The following EYS variants were observed in gnomAD, a reference collection of about 807,000 sequenced individuals.
EYS encodes the protein protein eyes shut homolog.
EYS carries 250 observed loss-of-function variants against 282.1 expected under a neutral mutation model. The observed-to-expected ratio is 0.89, with a 90% CI of 0.80 to 0.98. EYS has a LOEUF of 0.98. Ranked by LOEUF, EYS falls within the 50% of genes least tolerant of loss-of-function variation. The pLI is 0.00. For missense variants in EYS, 4,016 were observed against 3,709.0 expected (o/e 1.08, Z -2.15); for synonymous variants, 1,355 against 1,282.9 (o/e 1.06, Z -1.20).
chr6:65,566,649 C>T (rs998310184), intron 2 of EYS, among the ~76,000 whole-genome samples: 1 of 152,036 alleles, frequency 6.6e-6, no homozygotes, highest in Non-Finnish European at 1.5e-5. Flanking sequence ...AACAAACAAA[C>T]AAAAACCTCT....
chr6:64,704,124 G>A (rs553454582), intron 22 of EYS, among the ~76,000 whole-genome samples: 3 of 151,728 alleles, frequency 2.0e-5, no homozygotes, highest in African/African-American at 2.4e-5. Context: ...ACAAAATTCT[G>A]GACTCGCATG....
At chr6:65,518,418 A>G (rs760151777) in intron 2 of EYS, among the ~76,000 whole-genome samples, 9 of 152,162 alleles carry the variant, frequency 5.9e-5, no homozygotes, top group Admixed American at 1.3e-4. Flanking sequence ...TGGCAAACAC[A>G]AGGTAAATGT....
chr6:64,432,601 T>G (rs1400395930), intron 28 of EYS, among the ~76,000 whole-genome samples: 1 of 151,312 alleles, frequency 6.6e-6, no homozygotes, highest in East Asian at 1.9e-4. Flanking sequence ...TATAGTATAT[T>G]AAAAACTTAA....
intron 33 of EYS, among the ~76,000 whole-genome samples, chr6:64,047,798 G>A (rs1770678327): frequency 1.3e-5 from 2 of 152,178 alleles, no homozygotes; most frequent in African/African-American, 2.4e-5. Flanking sequence ...ACTGAATATC[G>A]CATTGGTGGG....
intron 22 of EYS, among the ~76,000 whole-genome samples, chr6:64,702,227 A>G (rs1451502621): frequency 6.6e-6 from 1 of 152,006 alleles, no homozygotes; most frequent in Admixed American, 6.6e-5. Context: ...TTACAAATAC[A>G]AAAAAAGAAG....
chr6:64,341,656 C>G (rs1771117743), intron 29 of EYS, among the ~76,000 whole-genome samples: 1 of 151,690 alleles, frequency 6.6e-6, no homozygotes, highest in African/African-American at 2.4e-5. Context: ...TTTACCCCCT[C>G]TTTATTGTAA....
At chr6:64,657,652 T>C (rs1003797653) in intron 22 of EYS, among the ~76,000 whole-genome samples, 4 of 152,278 alleles carry the variant, frequency 2.6e-5, no homozygotes, top group South Asian at 2.1e-4. Flanking sequence ...GGGTTGAAAA[T>C]TCTTTTCTTT....
At chr6:65,464,838 T>A (rs1764943363) in intron 5 of EYS, among the ~76,000 whole-genome samples, 1 of 152,172 alleles carries the variant, frequency 6.6e-6, no homozygotes, top group Non-Finnish European at 1.5e-5. Context: ...GAAACTTACC[T>A]TGTGTTCCAC....
chr6:63,774,557 T>C (rs1341100366), intron 40 of EYS, among the ~76,000 whole-genome samples: 1 of 152,232 alleles, frequency 6.6e-6, no homozygotes, highest in Admixed American at 6.5e-5. Flanking sequence ...TTAGTAACAA[T>C]GTCTTGTGTT....
intron 14 of EYS, among the ~76,000 whole-genome samples, chr6:64,961,896 A>G (rs1769933357): frequency 6.6e-6 from 1 of 152,190 alleles, no homozygotes; most frequent in African/African-American, 2.4e-5. Flanking sequence ...CTATACTCAT[A>G]TACTAAAAAT....
rs189582412 is a variant in EYS at position 64,317,473 on chromosome 6, C to A, written c.6079-10391G>T. 9.1e-4 allele frequency among the ~76,000 whole-genome samples: 139 copies of A among 151,970 alleles called. 4 individuals carry two copies. In the East Asian group the frequency reaches 0.023, roughly 25 times the overall value. ...ATTAGAGAAATGCAAATCAAAATCA[C>A]AATGAGATACTGTCTCATGTCAGTT... On this transcript the variant is annotated intron_variant, in intron 29 of 42. Coordinates refer to ENST00000503581, the MANE Select transcript of EYS (RefSeq NM_001142800.2).
At chr6:64,411,835 T>A (rs1773900954) in intron 28 of EYS, among the ~76,000 whole-genome samples, 1 of 101,614 alleles carries the variant, frequency 9.8e-6, no homozygotes, top group African/African-American at 3.3e-5. Context: ...ATATATGAGA[T>A]ACACATATAT....
At chr6:64,547,680 G>A (rs1007731136) in intron 26 of EYS, among the ~76,000 whole-genome samples, 4 of 152,218 alleles carry the variant, frequency 2.6e-5, no homozygotes, top group African/African-American at 9.6e-5. Flanking sequence ...ATCCCATACT[G>A]GGGCTGCAGG....
At chr6:65,662,856 C>T (rs970007423) in intron 1 of EYS, among the ~76,000 whole-genome samples, 1 of 151,928 alleles carries the variant, frequency 6.6e-6, no homozygotes, top group Non-Finnish European at 1.5e-5. Flanking sequence ...TAAAATGTGA[C>T]GATTTAGATA....
chr6:64,094,444 G>T (rs1444369861), intron 31 of EYS, among the ~76,000 whole-genome samples: 1 of 152,088 alleles, frequency 6.6e-6, no homozygotes, highest in South Asian at 2.1e-4. Context: ...CCTGTTATTG[G>T]TCTATTCAGA....
chr6:63,957,950 A>AAATT (rs1765894016), intron 35 of EYS, among the ~76,000 whole-genome samples: 1 of 141,128 alleles, frequency 7.1e-6, no homozygotes, highest in Non-Finnish European at 1.6e-5. Flanking sequence ...ACTGAGAGGC[A>AAATT]TAAATTTGGG....
chr6:64,459,874 A>G (rs1044501370), intron 26 of EYS, among the ~76,000 whole-genome samples: 5 of 152,016 alleles, frequency 3.3e-5, no homozygotes, highest in Admixed American at 2.6e-4. Context: ...CAAGAACAAT[A>G]CTTTGCATCC....
chr6:63,733,965 A>ACAGC (rs148833250), intron 41 of EYS, among the ~76,000 whole-genome samples: 1 of 152,154 alleles, frequency 6.6e-6, no homozygotes, highest in African/African-American at 2.4e-5. Context: ...AAGAACAAAA[A>ACAGC]CAGCCAGTAC....
intron 1 of EYS, among the ~76,000 whole-genome samples, chr6:65,648,749 G>C (rs1767547582): frequency 6.6e-6 from 1 of 151,544 alleles, no homozygotes; most frequent in African/African-American, 2.4e-5. Flanking sequence ...GAAAAGGGAA[G>C]AAAAAAGAAA....
Sources: gnomAD v4.1 joint callset for allele counts (sites outside exome capture counted in the v4.1 genomes callset) on GRCh38, gnomAD v4.1.1 for gene constraint, MANE v1.5 for transcripts, NCBI Gene and HGNC (gene_info 2026-07-23, HGNC 2026-07-21) for gene names.